The following CD33 variants were observed in gnomAD, a reference collection of about 807,000 sequenced individuals.
CD33 encodes myeloid cell surface antigen CD33.
CD33 carries 25 observed loss-of-function variants against 31.4 expected under a neutral mutation model. The ratio of observed to expected loss-of-function variants is 0.80; its 90% confidence interval spans 0.58 to 1.11. The LOEUF is 1.11. CD33 is among the 50% of genes most tolerant of loss of function. The pLI, the probability that CD33 is intolerant of heterozygous loss-of-function variation, is 0.00. For synonymous variants in CD33, 176 were observed against 180.6 expected (o/e 0.97, Z 0.20); for missense variants, 407 against 448.1 (o/e 0.91, Z 0.83).
upstream of CD33, among the ~76,000 whole-genome samples, chr19:51,222,943 A>T (rs1980753422): frequency 6.6e-6 from 1 of 152,214 alleles, no homozygotes; most frequent in South Asian, 2.1e-4. Flanking sequence ...GGCTGGGCAC[A>T]GTGCCTCATG....
At chr19:51,226,520 C>A (rs1981048512) in intron 4 of CD33, among the ~76,000 whole-genome samples, 164 bp downstream of exon 4, 1 of 152,198 alleles carries the variant, frequency 6.6e-6, no homozygotes, top group Non-Finnish European at 1.5e-5. Context: ...TGACTAGCAA[C>A]TTCCCCCTTG....
the CD33 span, chr19:51,211,920 G>T: frequency 4.1e-5 from 59 of 1,433,970 alleles, no homozygotes; most frequent in Non-Finnish European, 5.4e-5. Flanking sequence ...GATGTCAGCT[G>T]CCCCCATCTC....
chr19:51,229,995 G>A (rs1291982647), intron 4 of CD33, among the ~76,000 whole-genome samples: 3 of 151,882 alleles, frequency 2.0e-5, no homozygotes, highest in African/African-American at 7.2e-5. Flanking sequence ...GTTTGATGTA[G>A]GCATTTATTT....
upstream of CD33, among the ~76,000 whole-genome samples, chr19:51,222,548 G>C (rs1329730836): frequency 6.6e-6 from 1 of 152,148 alleles, no homozygotes; most frequent in African/African-American, 2.4e-5. Context: ...ATCACATTTT[G>C]AAATACAGAC....
At chr19:51,232,841 T>C (rs535306960) in intron 4 of CD33, among the ~76,000 whole-genome samples, 2 of 152,304 alleles carry the variant, frequency 1.3e-5, no homozygotes, top group Non-Finnish European at 2.9e-5. Flanking sequence ...TTGGCTGACC[T>C]GGGGGCATAT....
intron 3 of CD33, 87 bp downstream of exon 3, chr19:51,226,168 G>A (rs957022206): frequency 6.5e-7 from 1 of 1,546,444 alleles, no homozygotes; most frequent in African/African-American, 1.4e-5. Flanking sequence ...TGTCCTGGAG[G>A]CCTGGCTGAG....
upstream of CD33, among the ~76,000 whole-genome samples, chr19:51,223,715 T>C (rs150010867): frequency 6.1e-3 from 924 of 152,342 alleles, 10 homozygotes; most frequent in African/African-American, 0.021. Flanking sequence ...AGAACATGTG[T>C]TCTCCCTTTT....
At chr19:51,220,847 C>T (rs138256396), upstream of CD33, among the ~76,000 whole-genome samples, 81 of 152,158 alleles carry the variant, frequency 5.3e-4, no homozygotes, top group Middle Eastern at 3.4e-3. Flanking sequence ...ACTCATGTAA[C>T]GCGTATTTAT....
Position 51,225,910 on chromosome 19 carries a change from A to G in CD33, c.526A>G (p.Ile176Val), listed in dbSNP as rs760594822. Residue 176 changes from isoleucine (I) to valine (V), a missense_variant, in exon 3 of 7, where the codon ATC becomes GTC. Physicochemically the swap from Ile to Val is conservative, Grantham distance 29 (BLOSUM62 3). Transcript: ENST00000262262. ...SWACEQGTPPIFSWLSAAPTS... is the reference protein window; with the variant it reads ...SWACEQGTPPVFSWLSAAPTS... ...GGCCTGTGAGCAGGGAACACCCCCG[A>G]TCTTCTCCTGGTTGTCAGCTGCCCC... 1.2e-5 allele frequency: 19 copies of G among 1,613,718 alleles called. No homozygotes were observed. Among genetic ancestry groups the G allele is most frequent in the Non-Finnish European group, 1.4e-5 (17 of 1,179,970 alleles).
At chr19:51,220,446 G>A (rs1035477806), upstream of CD33, among the ~76,000 whole-genome samples, 14 of 152,128 alleles carry the variant, frequency 9.2e-5, no homozygotes, top group Admixed American at 9.2e-4. Flanking sequence ...ATTGTGGCTG[G>A]TGTCATTCCT....
chr19:51,237,647 TG>T (rs1981890159), intron 6 of CD33: 1 of 152,186 alleles, frequency 6.6e-6, no homozygotes, highest in South Asian at 2.1e-4. Flanking sequence ...AGTTACGTGT[TG>T]GGGGTGGAGT....
chr19:51,215,963 C>G, the CD33 span, among the ~76,000 whole-genome samples: 1 of 152,196 alleles, frequency 6.6e-6, no homozygotes, highest in Non-Finnish European at 1.5e-5. Context: ...GTCTGAACAG[C>G]CTTGTCTCCT....
chr19:51,227,353 C>T (rs1463765059), intron 4 of CD33, among the ~76,000 whole-genome samples: 1 of 152,092 alleles, frequency 6.6e-6, no homozygotes, highest in Non-Finnish European at 1.5e-5. Flanking sequence ...ATAAGAGTTC[C>T]CTCTTCTCTA....
At chr19:51,232,750 C>T (rs1981509550) in intron 4 of CD33, among the ~76,000 whole-genome samples, 2 of 152,104 alleles carry the variant, frequency 1.3e-5, no homozygotes, top group Admixed American at 1.3e-4. Context: ...CTGCTTTGTT[C>T]TTTTATATAA....
chr19:51,211,799 C>G, the CD33 span: 1 of 867,280 alleles, frequency 1.2e-6, no homozygotes, highest in Non-Finnish European at 1.9e-6. Context: ...CAGCCCTGAC[C>G]CACAGGCCCA....
At chr19:51,231,663 G>A (rs1981430390) in intron 4 of CD33, among the ~76,000 whole-genome samples, 1 of 150,362 alleles carries the variant, frequency 6.7e-6, no homozygotes, top group South Asian at 2.1e-4. Flanking sequence ...TTGTGTATGG[G>A]CTGTCAGTGA....
intron 6 of CD33, chr19:51,236,082 C>T (rs1470448023): frequency 2.0e-5 from 10 of 490,772 alleles, no homozygotes; most frequent in African/African-American, 3.9e-5. Flanking sequence ...GGTATGAACC[C>T]GGGAGGCAGA....
At chr19:51,212,493 C>A in the CD33 span, among the ~76,000 whole-genome samples, 3 of 152,148 alleles carry the variant, frequency 2.0e-5, no homozygotes, top group East Asian at 3.9e-4. Flanking sequence ...TTCCCATCCT[C>A]AGCCCCCATG....
At chr19:51,211,969 T>C in the CD33 span, 3 of 1,225,352 alleles carry the variant, frequency 2.4e-6, no homozygotes, top group Non-Finnish European at 3.6e-6. Flanking sequence ...GTGCTCACGA[T>C]CATCCCATGG....
Sources: allele counts gnomAD v4.1 joint callset (sites outside exome capture counted in the v4.1 genomes callset), GRCh38; gene constraint gnomAD v4.1.1; transcripts MANE v1.5; gene names NCBI Gene and HGNC (gene_info 2026-07-23, HGNC 2026-07-21).